Variants in MB observed in about 807,000 individuals in gnomAD.
The protein encoded by MB is nitrite reductase MB.
Under a neutral mutation model 14.5 loss-of-function variants are expected in MB, and 10 were observed. The ratio of observed to expected loss-of-function variants is 0.69; its 90% confidence interval spans 0.43 to 1.17. The LOEUF (loss-of-function observed/expected upper bound fraction) is 1.17. Ranked by LOEUF, MB falls within the 50% of genes most tolerant of loss-of-function variation. MB has a pLI of 0.00. For missense variants in MB, 169 were observed against 192.7 expected, an observed-to-expected ratio of 0.88 and a Z score of 0.73; for synonymous variants, 89 against 78.6, an observed-to-expected ratio of 1.13 and a Z score of -0.70.
At chr22:35,612,693 G>A (rs757583541) in intron 1 of MB, among the ~76,000 whole-genome samples, 3 of 152,152 alleles carry the variant, frequency 2.0e-5, no homozygotes, top group Non-Finnish European at 4.4e-5. Context: ...TAACTAGCTG[G>A]GGATTTAACC....
chr22:35,612,790 C>T (rs560127754), intron 1 of MB, among the ~76,000 whole-genome samples: 1 of 152,318 alleles, frequency 6.6e-6, no homozygotes, highest in Non-Finnish European at 1.5e-5. Context: ...CAAACTGATA[C>T]CTACATGGAC....
upstream of MB, chr22:35,617,535 CAG>C (rs1224436569): frequency 9.1e-6 from 4 of 439,378 alleles, no homozygotes; most frequent in African/African-American, 2.0e-5. Flanking sequence ...GCTCAGGCCA[CAG>C]GGGGTGGGGT....
At chr22:35,610,217 G>A (rs1177438062) in intron 2 of MB, among the ~76,000 whole-genome samples, 1 of 152,124 alleles carries the variant, frequency 6.6e-6, no homozygotes, top group South Asian at 2.1e-4. Context: ...ACAACCTGAA[G>A]CCCAGGCTCC....
At chr22:35,609,729 A>T (rs1361639262) in intron 2 of MB, among the ~76,000 whole-genome samples, 3 of 152,206 alleles carry the variant, frequency 2.0e-5, no homozygotes, top group Non-Finnish European at 2.9e-5. Context: ...ACTGCTAATT[A>T]CGTCCACAAT....
Position 35,611,119 on chromosome 22 carries a change from G to A in MB, c.96-13C>T. Reference sequence around the variant, plus strand: ...ACCCTTAAAGAGCCTGTGGGCACAGGGAAGGCTGGAGTCGGCATGGGAGGT... The same window carrying A: ...ACCCTTAAAGAGCCTGTGGGCACAGAGAAGGCTGGAGTCGGCATGGGAGGT... On this transcript the variant is annotated splice_polypyrimidine_tract_variant and intron_variant, in intron 1 of 2. Coordinates refer to ENST00000397326, the MANE Select transcript of MB (RefSeq NM_005368.3). The A allele has an allele frequency of 5.6e-6, 9 of 1,606,520 alleles. No individual in the cohort carries two copies. Among genetic ancestry groups the A allele is most frequent in the Non-Finnish European group, 7.7e-6 (9 of 1,173,760 alleles).
chr22:35,614,502 A>AAAT (rs1922908552), intron 1 of MB, among the ~76,000 whole-genome samples: 1 of 151,166 alleles, frequency 6.6e-6, no homozygotes, highest in African/African-American at 2.4e-5. Flanking sequence ...AAAAAAAAAA[A>AAAT]GGAGCAAGGA....
intron 1 of MB, among the ~76,000 whole-genome samples, 170 bp from the exon 2 acceptor site, chr22:35,611,276 T>C (rs1305658258): frequency 6.6e-6 from 1 of 152,176 alleles, no homozygotes; most frequent in African/African-American, 2.4e-5. Context: ...GGGGATAACT[T>C]GTCCCTACTT....
At chr22:35,617,563 A>G (rs544024214), upstream of MB, 44 of 341,152 alleles carry the variant, frequency 1.3e-4, 1 homozygote, top group South Asian at 2.0e-3. Flanking sequence ...TGCGTGTGGA[A>G]AGAAGGGGAG....
At chr22:35,619,069 C>A (rs568827794), upstream of MB, among the ~76,000 whole-genome samples, 1 of 152,334 alleles carries the variant, frequency 6.6e-6, no homozygotes, top group Admixed American at 6.5e-5. Flanking sequence ...TAACTCCACC[C>A]ATCCATCCAT....
At position 35,611,192 on chromosome 22, in the gene MB, C is replaced by G. The variant is rs1239827059; in HGVS notation, c.96-86G>C. ...CCAGACTAGAGTTCAAGTTTAGCTC[C>G]CTGTCTTCCCAGCTGTGTGACCTTG... On this transcript the variant is annotated intron_variant, in intron 1 of 2. Coordinates refer to ENST00000397326, the MANE Select transcript of MB (RefSeq NM_005368.3). 5.5e-6 allele frequency: 5 copies of G among 908,810 alleles called. No individual in the cohort carries two copies. The East Asian group carries it at 9.7e-5, about 18-fold the overall frequency. 56.3% of individuals were successfully genotyped at this position (908,810 alleles called of 1,614,324 possible). A position where few individuals can be genotyped will look rare whatever the true frequency, so the allele number is the denominator to read the frequency against.
chr22:35,608,097 C>T lies in MB; in HGVS notation c.319-654G>A, dbSNP rs1220210670. On this transcript the variant is annotated intron_variant, in intron 2 of 2. Coordinates refer to ENST00000397326, the MANE Select transcript of MB (RefSeq NM_005368.3). This position sits in a 1 kb window ranked among gnomAD's most constrained non-coding sequence, Gnocchi z 4.3. Reference sequence around the variant, plus strand: ...GATGGAGAATGTCTGCTATCAGCCTCAGCATTGCCATTTGCTTTAGTACCC... The same window carrying T: ...GATGGAGAATGTCTGCTATCAGCCTTAGCATTGCCATTTGCTTTAGTACCC... 6.6e-6 allele frequency among the ~76,000 whole-genome samples: 1 copy of T among 152,200 alleles called. No homozygotes were observed. The highest frequency in any genetic ancestry group is 2.4e-5 in the African/African-American group (1 of 41,456).
chr22:35,618,466 A>G (rs977038563), upstream of MB, among the ~76,000 whole-genome samples: 1 of 152,094 alleles, frequency 6.6e-6, no homozygotes, highest in Non-Finnish European at 1.5e-5. Context: ...CAGGTATTCA[A>G]CCATCTATCC....
At chr22:35,621,148 C>T (rs1462324912), upstream of MB, among the ~76,000 whole-genome samples, 2 of 152,160 alleles carry the variant, frequency 1.3e-5, no homozygotes, top group Non-Finnish European at 2.9e-5. Flanking sequence ...AAGCTGCAGA[C>T]ACATGATAGG....
chr22:35,617,082 G>A lies in MB; in HGVS notation c.95+81C>T, dbSNP rs1923129125. The A allele has an allele frequency of 1.5e-5, 16 of 1,085,652 alleles. No homozygotes were observed. In the South Asian group the frequency reaches 1.5e-4, roughly 10 times the overall value. The allele number at this position is 1,085,652 out of a possible 1,614,324, so 67.3% of individuals were successfully genotyped here. On this transcript the variant is annotated intron_variant, in intron 1 of 2. Coordinates refer to ENST00000397326, the MANE Select transcript of MB (RefSeq NM_005368.3). ...AATGCAGCCAACTGACCTACCCCAC[G>A]TGCAAACTTTCCACCTTGCAGCTGA...
chr22:35,607,593 CG>C, intron 2 of MB, 150 bp from the exon 3 acceptor site: 1 of 676,678 alleles, frequency 1.5e-6, no homozygotes, highest in African/African-American at 1.8e-5. Flanking sequence ...GTGATCTCCA[CG>C]GATGAACCCC....
At chr22:35,610,782 C>G in intron 2 of MB, 102 bp downstream of exon 2, 2 of 867,358 alleles carry the variant, frequency 2.3e-6, no homozygotes, top group East Asian at 2.7e-5. Flanking sequence ...TGGCATAGGT[C>G]ATCCCACAAG....
upstream of MB, among the ~76,000 whole-genome samples, chr22:35,620,656 G>A (rs1431926968): frequency 1.3e-5 from 2 of 152,366 alleles, no homozygotes; most frequent in Middle Eastern, 3.4e-3. Flanking sequence ...GGAAGGCCAA[G>A]AGGCAGATCT....
intron 1 of MB, among the ~76,000 whole-genome samples, chr22:35,616,167 G>C (rs1923067281): frequency 6.6e-6 from 1 of 152,168 alleles, no homozygotes; most frequent in Non-Finnish European, 1.5e-5. Flanking sequence ...CCTCCCGTTG[G>C]CAGAAACGTT....
intron 1 of MB, 140 bp from the exon 2 acceptor site, chr22:35,611,246 A>C: frequency 1.6e-6 from 1 of 640,300 alleles, no homozygotes; most frequent in Non-Finnish European, 2.8e-6. Flanking sequence ...TCTGTGCCTC[A>C]GCTTCCTCAT....
Sources: allele counts gnomAD v4.1 joint callset (sites outside exome capture counted in the v4.1 genomes callset), GRCh38; gene constraint gnomAD v4.1.1; non-coding constraint Gnocchi (gnomAD v3.1); transcripts MANE v1.5; gene names NCBI Gene and HGNC (gene_info 2026-07-23, HGNC 2026-07-21).